The following SCUBE2 variants were observed in gnomAD, a reference collection of about 807,000 sequenced individuals.
The protein encoded by SCUBE2 is signal peptide, CUB domain and EGF like domain containing 2, also known as signal peptide, CUB and EGF-like domain-containing protein 2.
A neutral mutation model predicts 125.9 loss-of-function variants in SCUBE2; 114 were observed. That is an observed-to-expected ratio of 0.91 (90% CI 0.78 to 1.06). The LOEUF is 1.06. Among genes scored for constraint, SCUBE2 ranks in the 50% least tolerant of loss-of-function variants. SCUBE2 has a pLI of 0.00. For synonymous variants in SCUBE2, 459 were observed against 492.9 expected, an observed-to-expected ratio of 0.93 and a Z score of 0.91; for missense variants, 1,255 against 1,301.8, an observed-to-expected ratio of 0.96 and a Z score of 0.55.
rs549580036 is a variant in SCUBE2 at position 9,038,130 on chromosome 11, T to C, written c.2003-4334A>G. On this transcript the variant is annotated intron_variant, in intron 16 of 22. Transcript: ENST00000649792. Reference sequence around the variant, plus strand: ...CTGGAGACACAGCAGAGAAGAGACATGACCCTGTTCTAATGGGGTTCTCAG... The same window carrying C: ...CTGGAGACACAGCAGAGAAGAGACACGACCCTGTTCTAATGGGGTTCTCAG... Among the ~76,000 whole-genome samples, 714 of 146,732 alleles carry C rather than the reference T, an allele frequency of 4.9e-3. 4 individuals are homozygous for C. The highest frequency in any genetic ancestry group is 0.017 in the African/African-American group (676 of 39,908).
chr11:9,082,401 A>G (rs1861711920), intron 2 of SCUBE2, among the ~76,000 whole-genome samples: 1 of 152,056 alleles, frequency 6.6e-6, no homozygotes, highest in South Asian at 2.1e-4. Flanking sequence ...TATCCAAGAA[A>G]TTATCTCCTC....
At chr11:9,072,594 G>T (rs2135802645) in intron 4 of SCUBE2, among the ~76,000 whole-genome samples, 1 of 152,308 alleles carries the variant, frequency 6.6e-6, no homozygotes, top group Middle Eastern at 3.4e-3. Context: ...TTTACAGGCT[G>T]TTCTATTTGA....
chr11:9,069,515 G>A lies in SCUBE2; in HGVS notation c.518-20C>T, dbSNP rs528925373. The A allele has an allele frequency of 8.1e-6, 13 of 1,613,894 alleles. No individual in the cohort carries two copies. Among genetic ancestry groups the A allele is most frequent in the African/African-American group, 5.3e-5 (4 of 75,070 alleles). Reference sequence around the variant, plus strand: ...GGCCCTCTGAAAAACAGCAGTGTGCGACAGGTGACTAGGCTGTGGTCAGAA... The same window carrying A: ...GGCCCTCTGAAAAACAGCAGTGTGCAACAGGTGACTAGGCTGTGGTCAGAA... On this transcript the variant is annotated intron_variant, in intron 4 of 22. Coordinates refer to ENST00000649792, the MANE Select transcript of SCUBE2 (RefSeq NM_001367977.2).
At chr11:9,083,765 C>T (rs1861843721) in intron 2 of SCUBE2, among the ~76,000 whole-genome samples, 1 of 152,092 alleles carries the variant, frequency 6.6e-6, no homozygotes, top group Admixed American at 6.6e-5. Flanking sequence ...TGGTCTTGAA[C>T]TCCTGACCTT....
chr11:9,030,914 G>A lies in SCUBE2; in HGVS notation c.2185C>T (p.Pro729Ser), dbSNP rs775676304. The A allele has an allele frequency of 1.4e-5, 22 of 1,613,822 alleles. 1 individual carries two copies. In the South Asian group the frequency reaches 2.4e-4, roughly 18 times the overall value. Residue 729 changes from proline (P) to serine (S), a missense_variant, in exon 18 of 23, where the codon CCT becomes TCT. By Grantham distance (74) the Pro-to-Ser change is moderately conservative. This residue lies in a region of SCUBE2 where 515 missense variants were observed against 515.7 expected (regional missense o/e 1.00). Transcript: ENST00000649792. ...NMSECGGLCQ[P>S]GEYSADGFAP... ...AAGCCATCTGCAGAATATTCACCAG[G>A]TTGACACAGACCTGGAAGGACCAAT...
chr11:9,076,995 C>T (rs1861265187), intron 3 of SCUBE2, among the ~76,000 whole-genome samples: 1 of 152,200 alleles, frequency 6.6e-6, no homozygotes, highest in African/African-American at 2.4e-5. Flanking sequence ...GATGTGCTCC[C>T]CTCTGAGCTA....
At chr11:9,064,521 A>T (rs1477536516) in intron 7 of SCUBE2, 11 of 151,746 alleles carry the variant, frequency 7.2e-5, no homozygotes, top group Admixed American at 7.2e-4. Context: ...TATACCCTTC[A>T]TTTTTTTCAG....
chr11:9,083,577 T>G (rs1250140888), intron 2 of SCUBE2, among the ~76,000 whole-genome samples: 1 of 150,766 alleles, frequency 6.6e-6, no homozygotes, highest in South Asian at 2.1e-4. Flanking sequence ...TTTTTTGAGA[T>G]GGAGTCTCAC....
At chr11:9,036,899 G>A (rs924686044) in intron 16 of SCUBE2, among the ~76,000 whole-genome samples, 16 of 152,192 alleles carry the variant, frequency 1.1e-4, no homozygotes, top group African/African-American at 3.6e-4. Context: ...CTGCCCTGTG[G>A]AAAAGAGGGC....
rs1564822811 is a variant in SCUBE2, at chr11:9,054,698, A to ACAATATATATATATATAT, written c.1208-940_1208-939insATATATATATATATATTG. 2.0e-3 allele frequency among the ~76,000 whole-genome samples: 123 copies of ACAATATATATATATATAT among 61,184 alleles called. 4 individuals carry two copies. Among genetic ancestry groups the ACAATATATATATATATAT allele is most frequent in the Non-Finnish European group, 2.9e-3 (107 of 36,962 alleles). The allele number at this position is 61,184 out of a possible 152,430, so 40.1% of individuals were successfully genotyped here. A position where few individuals can be genotyped will look rare whatever the true frequency, so the allele number is the denominator to read the frequency against. On this transcript the variant is annotated intron_variant, in intron 10 of 22. Transcript: ENST00000649792. ...AGATAACTGTCAGTAGCAAAGCACT[A>ACAATATATATATATATAT]GTGTATATATATATATATATATATA... is the stretch of plus-strand genomic sequence containing the variant.
In SCUBE2 at chr11:9,020,288, G is replaced by C. The variant is rs1297383719; in HGVS notation, c.*757C>G. On this transcript the variant is annotated 3_prime_UTR_variant, in exon 23 of 23. Transcript: ENST00000649792. ...AGTCCCTCAGGCAATGGCCAGCAGAGTGTCAGAGGGCACAGCTGAAGGTGC... is the reference window on the plus strand; with the variant it reads ...AGTCCCTCAGGCAATGGCCAGCAGACTGTCAGAGGGCACAGCTGAAGGTGC... 1 of 152,370 alleles carries C rather than the reference G, an allele frequency of 6.6e-6. No homozygotes were observed. The highest frequency in any genetic ancestry group is 1.5e-5 in the Non-Finnish European group (1 of 68,076). 9.4% of individuals were successfully genotyped at this position (152,370 alleles called of 1,614,324 possible).
intron 20 of SCUBE2, 93 bp from the exon 21 acceptor site, chr11:9,025,947 C>T (rs1489363144): frequency 1.5e-6 from 2 of 1,324,540 alleles, no homozygotes; most frequent in Non-Finnish European, 2.1e-6. Context: ...TCAAACCATA[C>T]AATAAGTTAT....
chr11:9,050,105 C>T lies in SCUBE2; in HGVS notation c.1639+501G>A, dbSNP rs192965737. On this transcript the variant is annotated intron_variant, in intron 14 of 22. Transcript: ENST00000649792. Reference sequence around the variant, plus strand: ...TTAGATTCTGCTCTTCTCAATAAGGCCAGTTCTACTTGGATGGTATTTGCT... The same window carrying T: ...TTAGATTCTGCTCTTCTCAATAAGGTCAGTTCTACTTGGATGGTATTTGCT... The T allele has an allele frequency of 2.3e-3, 348 of 153,262 alleles. 2 individuals carry two copies. The highest frequency in any genetic ancestry group is 7.0e-3 in the African/African-American group (292 of 41,570). The allele number at this position is 153,262 out of a possible 1,614,324, so 9.5% of individuals were successfully genotyped here. A position where few individuals can be genotyped will look rare whatever the true frequency, so the allele number is the denominator to read the frequency against.
At chr11:9,049,479 CA>C (rs1230927868) in intron 14 of SCUBE2, among the ~76,000 whole-genome samples, 3 of 152,106 alleles carry the variant, frequency 2.0e-5, no homozygotes, top group Non-Finnish European at 4.4e-5. Flanking sequence ...CTCCTGAACT[CA>C]AGCAATCTGC....
At chr11:9,030,693 G>T in intron 18 of SCUBE2, 65 bp downstream of exon 18, 1 of 1,522,928 alleles carries the variant, frequency 6.6e-7, no homozygotes, top group South Asian at 1.3e-5. Flanking sequence ...GGAGCCTCAC[G>T]AGACTCCCAT....
intron 16 of SCUBE2, among the ~76,000 whole-genome samples, chr11:9,034,632 G>A (rs1056436731): frequency 6.6e-6 from 1 of 152,112 alleles, no homozygotes; most frequent in African/African-American, 2.4e-5. Context: ...TGGCCGGCTG[G>A]GATGGGTGGT....
chr11:9,062,874 G>T (rs1350281207), intron 7 of SCUBE2, among the ~76,000 whole-genome samples: 1 of 151,882 alleles, frequency 6.6e-6, no homozygotes, highest in Non-Finnish European at 1.5e-5. Flanking sequence ...AAATTAGGGG[G>T]TCAATCCAGG....
intron 2 of SCUBE2, among the ~76,000 whole-genome samples, chr11:9,087,943 T>C (rs1167305516): frequency 1.3e-5 from 2 of 152,232 alleles, no homozygotes; most frequent in African/African-American, 4.8e-5. Flanking sequence ...TTTGTGGGTT[T>C]GTCTGTTTGT....
intron 1 of SCUBE2, 61 bp from the exon 2 acceptor site, chr11:9,089,890 G>C: frequency 6.3e-7 from 1 of 1,579,038 alleles, no homozygotes; most frequent in Non-Finnish European, 8.6e-7. Flanking sequence ...ATCTGGCCTC[G>C]GCCCTGTCTG....
Sources: gnomAD v4.1 joint callset for allele counts (sites outside exome capture counted in the v4.1 genomes callset) on GRCh38, gnomAD v4.1.1 for gene constraint, gnomAD v4.1.1 regional missense constraint, MANE v1.5 for transcripts, NCBI Gene and HGNC (gene_info 2026-07-23, HGNC 2026-07-21) for gene names.